MYO16: variants seen among roughly 807,000 people sequenced by gnomAD.
MYO16 encodes myosin XVI.
Under a neutral mutation model 205.3 loss-of-function variants are expected in MYO16, and 94 were observed. That is an observed-to-expected ratio of 0.46 (90% CI 0.39 to 0.54). The LOEUF is 0.54. Among genes scored for constraint, MYO16 ranks in the 20% least tolerant of loss-of-function variants. MYO16 has a pLI of 0.00. For missense variants in MYO16, 2,315 were observed against 2,387.5 expected (o/e 0.97, Z 0.63); for synonymous variants, 988 against 954.0 (o/e 1.04, Z -0.66).
At chr13:108,645,407 C>T (rs145301701) in intron 1 of MYO16, among the ~76,000 whole-genome samples, 8 of 152,264 alleles carry the variant, frequency 5.3e-5, no homozygotes, top group African/African-American at 1.9e-4. Context: ...GACCTCTACA[C>T]CTTGTAAGTT....
At chr13:108,800,402 G>A (rs1035296049) in intron 6 of MYO16, among the ~76,000 whole-genome samples, 1 of 152,254 alleles carries the variant, frequency 6.6e-6, no homozygotes, top group South Asian at 2.1e-4. Context: ...CACACTAAGA[G>A]TGCTCTTTAA....
intron 23 of MYO16, among the ~76,000 whole-genome samples, chr13:109,026,442 G>T (rs187594563): frequency 1.0e-3 from 159 of 152,228 alleles, no homozygotes; most frequent in African/African-American, 3.8e-3. Flanking sequence ...AGGCAGGAAG[G>T]ATCCACCCGT....
At chr13:108,897,978 A>G (rs1880511630) in intron 14 of MYO16, 38 bp from the exon 15 acceptor site, 2 of 1,461,604 alleles carry the variant, frequency 1.4e-6, no homozygotes, top group African/African-American at 1.4e-5. Flanking sequence ...ATTTCTTAAA[A>G]TATGAGCAGT....
At chr13:108,714,213 G>A (rs942416247) in intron 3 of MYO16, among the ~76,000 whole-genome samples, 1 of 152,000 alleles carries the variant, frequency 6.6e-6, no homozygotes, top group African/African-American at 2.4e-5. Flanking sequence ...CCGCCATCAC[G>A]CCCAGCGAAT....
chr13:108,698,019 G>A lies in MYO16; in HGVS notation c.293-14642G>A, dbSNP rs147383985. Among the ~76,000 whole-genome samples the A allele has an allele frequency of 9.3e-4, 142 of 152,194 alleles. 2 individuals are homozygous for A. Among genetic ancestry groups the A allele is most frequent in the South Asian group, 2.9e-3 (14 of 4,816 alleles). On this transcript the variant is annotated intron_variant, in intron 2 of 34. Coordinates refer to ENST00000457511, the MANE Select transcript of MYO16 (RefSeq NM_001198950.3). Reference sequence around the variant, plus strand: ...ATTACAGGTGTGAGCCACCGTGCCCGACCTCGCTCTCTTCTTTCTCCCTCT... The same window carrying A: ...ATTACAGGTGTGAGCCACCGTGCCCAACCTCGCTCTCTTCTTTCTCCCTCT...
chr13:108,808,608 C>T (rs9555516), intron 7 of MYO16, among the ~76,000 whole-genome samples: 1 of 152,070 alleles, frequency 6.6e-6, no homozygotes, highest in African/African-American at 2.4e-5. Context: ...CCACCATGCC[C>T]TGCCAGAAAT....
chr13:109,056,358 C>A (rs747167215), intron 27 of MYO16, among the ~76,000 whole-genome samples: 3 of 152,132 alleles, frequency 2.0e-5, no homozygotes, highest in African/African-American at 4.8e-5. Flanking sequence ...GCAACATCAT[C>A]CCCTCAGGCT....
intron 4 of MYO16, among the ~76,000 whole-genome samples, chr13:108,768,768 T>C (rs967836722): frequency 1.3e-5 from 2 of 152,182 alleles, no homozygotes; most frequent in African/African-American, 4.8e-5. Context: ...TTATGGTTTA[T>C]AATGTCTGAA....
intron 1 of MYO16, among the ~76,000 whole-genome samples, chr13:108,649,159 G>A (rs1172150630): frequency 2.6e-5 from 4 of 152,022 alleles, no homozygotes; most frequent in African/African-American, 9.7e-5. Context: ...CACCAATATG[G>A]CGCATGGATA....
rs59417999 is a variant in MYO16 at position 108,911,066 on chromosome 13, C to CACACACACACAGAG, written c.1925+917_1925+918insCACACACACAGAGA. On this transcript the variant is annotated intron_variant, in intron 16 of 34. Coordinates refer to ENST00000457511, the MANE Select transcript of MYO16 (RefSeq NM_001198950.3). ...ACACACACACACACACACACACACA[C>CACACACACACAGAG]AGAGAGAGAGAAGGGTTGCTTCACT... is the stretch of plus-strand genomic sequence containing the variant. 2.1e-4 allele frequency among the ~76,000 whole-genome samples: 30 copies of CACACACACACAGAG among 143,130 alleles called. 1 individual carries two copies. Among genetic ancestry groups the CACACACACACAGAG allele is most frequent in the African/African-American group, 3.7e-4 (14 of 37,980 alleles). 93.9% of individuals were successfully genotyped at this position (143,130 alleles called of 152,430 possible). A position where few individuals can be genotyped will look rare whatever the true frequency, so the allele number is the denominator to read the frequency against.
At chr13:109,097,887 T>G (rs1233357649) in intron 27 of MYO16, among the ~76,000 whole-genome samples, 1 of 152,186 alleles carries the variant, frequency 6.6e-6, no homozygotes, top group Non-Finnish European at 1.5e-5. Flanking sequence ...ATGATGAGGA[T>G]TCTCAATCCA....
chr13:108,660,505 G>A (rs1881454651), intron 1 of MYO16, among the ~76,000 whole-genome samples: 1 of 152,142 alleles, frequency 6.6e-6, no homozygotes, highest in Non-Finnish European at 1.5e-5. Context: ...TGTTGGGCAA[G>A]GCCTTTTACC....
At chr13:108,501,348 A>G in the MYO16 span, among the ~76,000 whole-genome samples, 392 of 152,132 alleles carry the variant, frequency 2.6e-3, 1 homozygote, top group African/African-American at 9.0e-3. Flanking sequence ...GGGACCCTCT[A>G]TCTCACCTGT....
chr13:108,519,625 A>G, the MYO16 span, among the ~76,000 whole-genome samples: 2 of 111,640 alleles, frequency 1.8e-5, no homozygotes, highest in Admixed American at 1.8e-4. Context: ...AATATGCAAA[A>G]TACACACACA....
intron 22 of MYO16, among the ~76,000 whole-genome samples, chr13:109,019,347 G>T (rs757852346): frequency 8.6e-5 from 13 of 151,784 alleles, no homozygotes; most frequent in Non-Finnish European, 1.6e-4. Context: ...TCTCATCATT[G>T]GTATGGAATA....
At chr13:109,200,812 T>C (rs1422089488) in intron 34 of MYO16, among the ~76,000 whole-genome samples, 2 of 152,006 alleles carry the variant, frequency 1.3e-5, no homozygotes, top group African/African-American at 4.8e-5. Context: ...TTTAAGTCTG[T>C]TCCTGTTATG....
chr13:108,799,887 A>G (rs1342209202), intron 6 of MYO16, among the ~76,000 whole-genome samples: 1 of 152,106 alleles, frequency 6.6e-6, no homozygotes, highest in African/African-American at 2.4e-5. Context: ...GGGAGGAGGG[A>G]GCAGATAGGG....
At chr13:108,516,920 A>ATGTTT in the MYO16 span, among the ~76,000 whole-genome samples, 14,572 of 151,162 alleles carry the variant, frequency 0.096, 818 homozygotes, top group East Asian at 0.22. Context: ...TTGAGTAATT[A>ATGTTT]TGTTTTGTTT....
At chr13:108,577,024 G>C in the MYO16 span, among the ~76,000 whole-genome samples, 26,110 of 152,142 alleles carry the variant, frequency 0.17, 2,493 homozygotes, top group Non-Finnish European at 0.22. Flanking sequence ...GCCTCCCAAG[G>C]TGTTGGGATT....
Sources: allele counts gnomAD v4.1 joint callset (sites outside exome capture counted in the v4.1 genomes callset), GRCh38; gene constraint gnomAD v4.1.1; transcripts MANE v1.5; gene names NCBI Gene and HGNC (gene_info 2026-07-23, HGNC 2026-07-21).